Variants in GABRG3 observed in about 807,000 individuals in gnomAD.
The protein encoded by GABRG3 is gamma-aminobutyric acid receptor subunit gamma-3.
A neutral mutation model predicts 48.8 loss-of-function variants in GABRG3; 25 were observed. That is an observed-to-expected ratio of 0.51 (90% confidence interval 0.37 to 0.72). The LOEUF (loss-of-function observed/expected upper bound fraction) is 0.72. Ranked by LOEUF, GABRG3 falls within the 30% of genes least tolerant of loss-of-function variation. GABRG3 has a pLI of 0.00. For missense variants in GABRG3, 394 were observed against 577.9 expected, an observed-to-expected ratio of 0.68 and a Z score of 3.26; for synonymous variants, 227 against 217.6, an observed-to-expected ratio of 1.04 and a Z score of -0.38.
intron 6 of GABRG3, among the ~76,000 whole-genome samples, chr15:27,487,887 G>C (rs1890258073): frequency 1.3e-5 from 2 of 152,098 alleles, no homozygotes; most frequent in Non-Finnish European, 2.9e-5. Flanking sequence ...ATGCTTTTTT[G>C]ATGACACTAC....
chr15:27,075,015 T>C (rs532058553), intron 3 of GABRG3, among the ~76,000 whole-genome samples: 31 of 152,278 alleles, frequency 2.0e-4, no homozygotes, highest in African/African-American at 7.2e-4. Flanking sequence ...AAAGGTGAGG[T>C]TGAAGGACAT....
rs138246825 is a variant in GABRG3, at chr15:27,197,579, G to A, written c.271-129230G>A. Among the ~76,000 whole-genome samples the A allele has an allele frequency of 1.5e-3, 229 of 152,126 alleles. 1 individual carries two copies. The highest frequency in any genetic ancestry group is 4.6e-3 in the South Asian group (22 of 4,802). On this transcript the variant is annotated intron_variant, in intron 3 of 9. Coordinates refer to ENST00000615808, the MANE Select transcript of GABRG3 (RefSeq NM_033223.5). ...GTTCTTAGGGTTGGGGTGATGTTGA[G>A]CGGTGCATTTAGAAGTAAACATTGC...
At chr15:27,312,817 A>C (rs1353144124) in intron 3 of GABRG3, among the ~76,000 whole-genome samples, 1 of 152,114 alleles carries the variant, frequency 6.6e-6, no homozygotes, top group Admixed American at 6.5e-5. Context: ...GCAACATTAT[A>C]ACATAAGAAA....
intron 3 of GABRG3, among the ~76,000 whole-genome samples, chr15:27,176,975 T>C (rs907720753): frequency 1.3e-5 from 2 of 152,194 alleles, no homozygotes; most frequent in Non-Finnish European, 2.9e-5. Flanking sequence ...ACAGCAGTGT[T>C]GCAATAGAGA....
In GABRG3 at chr15:27,469,486, G is replaced by A. The variant is rs916945989; in HGVS notation, c.575-11164G>A. Among the ~76,000 whole-genome samples the A allele has an allele frequency of 4.6e-5, 7 of 152,038 alleles. No individual in the cohort carries two copies. The South Asian group carries it at 6.2e-4, about 14-fold the overall frequency. ...CTCCCAAGTAGCTGGGATTATAGGCGCCCACCACCACACCGGACTAATTTT... is the reference window on the plus strand; with the variant it reads ...CTCCCAAGTAGCTGGGATTATAGGCACCCACCACCACACCGGACTAATTTT... On this transcript the variant is annotated intron_variant, in intron 5 of 9. Transcript: ENST00000615808.
At chr15:27,017,486 G>T (rs932255830) in intron 2 of GABRG3, among the ~76,000 whole-genome samples, 5 of 152,144 alleles carry the variant, frequency 3.3e-5, no homozygotes, top group African/African-American at 9.7e-5. Context: ...TGCCTCTGTT[G>T]TGAGTCCACC....
intron 3 of GABRG3, among the ~76,000 whole-genome samples, chr15:27,183,634 A>G (rs1888002831): frequency 2.0e-5 from 3 of 152,228 alleles, no homozygotes; most frequent in Admixed American, 2.0e-4. Flanking sequence ...TTGGAGTTTC[A>G]GAAGTAATGC....
intron 3 of GABRG3, among the ~76,000 whole-genome samples, chr15:27,293,890 C>T (rs373792914): frequency 2.6e-5 from 4 of 152,184 alleles, no homozygotes; most frequent in African/African-American, 7.2e-5. Flanking sequence ...GTCCAGGGAG[C>T]TACATTCTCA....
chr15:27,223,154 A>C (rs1480698375), intron 3 of GABRG3, among the ~76,000 whole-genome samples: 1 of 152,226 alleles, frequency 6.6e-6, no homozygotes, highest in East Asian at 1.9e-4. Context: ...ATCCAATATT[A>C]ATGTGGGTCA....
intron 3 of GABRG3, among the ~76,000 whole-genome samples, chr15:27,189,087 A>G (rs1365566776): frequency 6.6e-6 from 1 of 152,050 alleles, no homozygotes; most frequent in Non-Finnish European, 1.5e-5. Context: ...ATTGATCTAT[A>G]TCTCTGTTTT....
chr15:27,472,660 G>C (rs1242561287), intron 5 of GABRG3, among the ~76,000 whole-genome samples: 4 of 152,104 alleles, frequency 2.6e-5, no homozygotes, highest in Non-Finnish European at 4.4e-5. Context: ...TAACTAATAT[G>C]TACAACGTAA....
At chr15:27,010,881 T>C (rs1388101397) in intron 2 of GABRG3, among the ~76,000 whole-genome samples, 1 of 152,166 alleles carries the variant, frequency 6.6e-6, no homozygotes, top group African/African-American at 2.4e-5. Context: ...AGTGTCACTT[T>C]GTCGCCCAGG....
intron 1 of GABRG3, among the ~76,000 whole-genome samples, chr15:26,972,274 C>T (rs1894861589): frequency 6.6e-6 from 1 of 152,146 alleles, no homozygotes; most frequent in African/African-American, 2.4e-5. Context: ...AATCATCTCA[C>T]CATAAATTCC....
At chr15:27,250,313 G>C (rs1044042376) in intron 3 of GABRG3, among the ~76,000 whole-genome samples, 73 of 152,222 alleles carry the variant, frequency 4.8e-4, no homozygotes, top group African/African-American at 1.6e-3. Context: ...ACAGGAGGCT[G>C]CTTACATTTA....
intron 3 of GABRG3, among the ~76,000 whole-genome samples, chr15:27,149,961 G>A (rs1898280392): frequency 6.6e-6 from 1 of 152,184 alleles, no homozygotes; most frequent in Admixed American, 6.5e-5. Context: ...TTACTACTGT[G>A]TGATCTTGGG....
chr15:27,380,858 T>C (rs916940406), intron 5 of GABRG3, among the ~76,000 whole-genome samples: 16 of 150,050 alleles, frequency 1.1e-4, no homozygotes, highest in Middle Eastern at 6.9e-3. Flanking sequence ...CTCTGCCTCC[T>C]GGGTTCACGC....
intron 3 of GABRG3, among the ~76,000 whole-genome samples, chr15:27,198,037 A>G (rs1047751841): frequency 1.1e-4 from 16 of 151,924 alleles, no homozygotes; most frequent in East Asian, 3.9e-4. Flanking sequence ...TATTTTGTCA[A>G]TCTTTTCAAA....
intron 3 of GABRG3, among the ~76,000 whole-genome samples, chr15:27,299,609 C>T (rs1292684086): frequency 6.6e-6 from 1 of 152,114 alleles, no homozygotes. Context: ...CCATTTCCTC[C>T]ATTCTCTCAA....
At chr15:27,478,063 G>A (rs111938167) in intron 5 of GABRG3, among the ~76,000 whole-genome samples, 43 of 146,292 alleles carry the variant, frequency 2.9e-4, no homozygotes, top group African/African-American at 9.0e-4. Context: ...AAAAAAAAAA[G>A]AAAGAAAGAA....
Sources: allele counts gnomAD v4.1 joint callset (sites outside exome capture counted in the v4.1 genomes callset), GRCh38; gene constraint gnomAD v4.1.1; transcripts MANE v1.5; gene names NCBI Gene and HGNC (gene_info 2026-07-23, HGNC 2026-07-21).